The following FRAS1 variants were observed in gnomAD, a reference collection of about 807,000 sequenced individuals.
FRAS1 encodes the protein extracellular matrix organizing protein FRAS1.
FRAS1 carries 290 observed loss-of-function variants against 435.2 expected under a neutral mutation model. That is an observed-to-expected ratio of 0.67 (90% CI 0.61 to 0.73). The LOEUF (loss-of-function observed/expected upper bound fraction) is 0.73, where lower values mean the gene tolerates loss of function less well. Among genes scored for constraint, FRAS1 ranks in the 30% least tolerant of loss-of-function variants. FRAS1 has a pLI of 0.00. For synonymous variants in FRAS1, 1,800 were observed against 1,851.0 expected (o/e 0.97, Z 0.71); for missense variants, 4,860 against 5,001.5 (o/e 0.97, Z 0.85).
chr4:78,276,144 A>T (rs530739215), intron 9 of FRAS1, among the ~76,000 whole-genome samples: 2 of 152,228 alleles, frequency 1.3e-5, no homozygotes, highest in East Asian at 3.9e-4. Context: ...CGTAGTTCTC[A>T]TGCCATGGTT....
intron 18 of FRAS1, among the ~76,000 whole-genome samples, chr4:78,329,620 G>A (rs1274112846): frequency 3.3e-5 from 5 of 152,212 alleles, no homozygotes; most frequent in Non-Finnish European, 7.3e-5. Context: ...CTTGGAGATG[G>A]GGTAGTGAGT....
chr4:78,317,039 C>T (rs1022276074), intron 16 of FRAS1, among the ~76,000 whole-genome samples: 3 of 152,156 alleles, frequency 2.0e-5, no homozygotes, highest in African/African-American at 7.2e-5. Context: ...ACTTCCAAGA[C>T]CTCAGTCTCC....
intron 38 of FRAS1, among the ~76,000 whole-genome samples, chr4:78,438,022 T>A (rs946369827): frequency 6.6e-6 from 1 of 152,074 alleles, no homozygotes. Context: ...ATACATTCTT[T>A]TGTTAATCTA....
At chr4:78,511,029 G>C (rs575015133) in intron 63 of FRAS1, among the ~76,000 whole-genome samples, 22 of 152,182 alleles carry the variant, frequency 1.4e-4, no homozygotes, top group Non-Finnish European at 2.8e-4. Flanking sequence ...CTATGGGTTT[G>C]TGCTCCACAT....
rs1733916867 is a variant in FRAS1, at chr4:78,424,370, T to C, written c.4679-18T>C. ...CCCAAAGTGTTTAATATACTGATTG[T>C]CTCTCTTACTCTTTTAGGTCTCCCA... On this transcript the variant is annotated intron_variant, in intron 34 of 73. Transcript: ENST00000512123. 7.0e-7 allele frequency: 1 copy of C among 1,425,274 alleles called. No homozygotes were observed. The highest frequency in any genetic ancestry group is 9.5e-7 in the Non-Finnish European group (1 of 1,056,906). The allele number at this position is 1,425,274 out of a possible 1,614,324, so 88.3% of individuals were successfully genotyped here. A position where few individuals can be genotyped will look rare whatever the true frequency, so the allele number is the denominator to read the frequency against.
intron 63 of FRAS1, among the ~76,000 whole-genome samples, chr4:78,509,689 A>C (rs556486241): frequency 6.6e-6 from 1 of 152,228 alleles, no homozygotes; most frequent in Admixed American, 6.5e-5. Context: ...AATGAATAGT[A>C]TGTTTTCCCA....
At chr4:78,059,740 T>G (rs1246542524) in intron 1 of FRAS1, among the ~76,000 whole-genome samples, 1 of 151,768 alleles carries the variant, frequency 6.6e-6, no homozygotes, top group Non-Finnish European at 1.5e-5. Flanking sequence ...AACTCTGAAA[T>G]CAACAAAAGG....
At chr4:78,152,856 T>C (rs1184563035) in intron 2 of FRAS1, among the ~76,000 whole-genome samples, 1 of 152,126 alleles carries the variant, frequency 6.6e-6, no homozygotes, top group Non-Finnish European at 1.5e-5. Flanking sequence ...TGATTATAAA[T>C]TGATAAGCAT....
intron 2 of FRAS1, among the ~76,000 whole-genome samples, chr4:78,138,743 A>G (rs990600681): frequency 2.0e-5 from 3 of 152,198 alleles, no homozygotes; most frequent in Non-Finnish European, 2.9e-5. Context: ...ACATGAATGC[A>G]TATGAGATAA....
rs754641180 is a variant in FRAS1 at position 78,318,915 on chromosome 4, G to A, written c.2066G>A (p.Gly689Asp). ...GLQVEQLSDV[G>D]IPSGECLAQC... is the part of the protein sequence containing the mutation. ...CAAGTGGAGCAGCTGTCTGACGTGGGCATCCCCTCTGGCGAGTGTCTAGCC... is the reference window on the plus strand; with the variant it reads ...CAAGTGGAGCAGCTGTCTGACGTGGACATCCCCTCTGGCGAGTGTCTAGCC... The change falls in exon 18 of 74, where the codon GGC (glycine) becomes GAC (aspartate). Residue 689 changes from glycine (G) to aspartate (D), a missense_variant. Gly to Asp is a moderately conservative substitution (Grantham distance 94). Coordinates refer to ENST00000512123, the MANE Select transcript of FRAS1 (RefSeq NM_025074.7). The A allele has an allele frequency of 5.0e-6, 8 of 1,613,976 alleles. No homozygotes were observed. The South Asian group carries it at 5.5e-5, about 11-fold the overall frequency.
chr4:78,467,021 C>T (rs1392790812), intron 50 of FRAS1, among the ~76,000 whole-genome samples: 1 of 152,042 alleles, frequency 6.6e-6, no homozygotes, highest in Non-Finnish European at 1.5e-5. Context: ...CAATGTTTAA[C>T]ACTCATATCA....
intron 15 of FRAS1, among the ~76,000 whole-genome samples, chr4:78,313,510 G>A (rs893788373): frequency 6.6e-6 from 1 of 152,128 alleles, no homozygotes; most frequent in Non-Finnish European, 1.5e-5. Flanking sequence ...AGGAAGGTTT[G>A]CTTTTTTTAT....
At chr4:78,237,049 T>C (rs11725114) in intron 2 of FRAS1, among the ~76,000 whole-genome samples, 26,767 of 151,870 alleles carry the variant, frequency 0.18, 3,135 homozygotes, top group Non-Finnish European at 0.26. Context: ...TGTTAGACGA[T>C]GAAGTAGCAA....
At chr4:78,260,025 C>T (rs970527561) in intron 6 of FRAS1, among the ~76,000 whole-genome samples, 60 of 152,070 alleles carry the variant, frequency 3.9e-4, no homozygotes, top group African/African-American at 1.2e-3. Context: ...TGTAGATATG[C>T]GGAGTTATTT....
chr4:78,497,749 T>A (rs949996670), intron 60 of FRAS1, among the ~76,000 whole-genome samples: 2 of 152,228 alleles, frequency 1.3e-5, no homozygotes, highest in East Asian at 3.8e-4. Context: ...TCATTCTGTC[T>A]GATTCTAGAA....
chr4:78,433,119 T>C (rs1275938003), intron 38 of FRAS1, among the ~76,000 whole-genome samples: 8 of 152,144 alleles, frequency 5.3e-5, no homozygotes, highest in African/African-American at 1.9e-4. Flanking sequence ...CTCACCCTCC[T>C]TCTTTTGCCC....
At chr4:78,247,151 A>T (rs76914791) in intron 4 of FRAS1, among the ~76,000 whole-genome samples, 2,133 of 152,178 alleles carry the variant, frequency 0.014, 47 homozygotes, top group African/African-American at 0.048. Flanking sequence ...AAATCCTCCT[A>T]GCCTCCCACT....
chr4:78,104,873 A>G (rs1436693231), intron 2 of FRAS1, among the ~76,000 whole-genome samples: 1 of 152,192 alleles, frequency 6.6e-6, no homozygotes, highest in African/African-American at 2.4e-5. Flanking sequence ...AGATTTTAGA[A>G]TGTTTTATAT....
At chr4:78,339,478 A>T (rs1730313633) in intron 20 of FRAS1, among the ~76,000 whole-genome samples, 1 of 152,246 alleles carries the variant, frequency 6.6e-6, no homozygotes, top group Non-Finnish European at 1.5e-5. Context: ...GGGCTGTAGG[A>T]GTTCAAGGTA....
Sources: allele counts gnomAD v4.1 joint callset (sites outside exome capture counted in the v4.1 genomes callset), GRCh38; gene constraint gnomAD v4.1.1; transcripts MANE v1.5; gene names NCBI Gene and HGNC (gene_info 2026-07-23, HGNC 2026-07-21).